The following LAMB1 variants were observed in gnomAD, a reference collection of about 807,000 sequenced individuals.
The protein encoded by LAMB1 is laminin subunit beta 1.
A neutral mutation model predicts 222.3 loss-of-function variants in LAMB1; 121 were observed. The ratio of observed to expected loss-of-function variants is 0.54; its 90% CI spans 0.47 to 0.63. The LOEUF (loss-of-function observed/expected upper bound fraction) is 0.63. Ranked by LOEUF, LAMB1 falls within the 30% of genes least tolerant of loss-of-function variation. LAMB1 has a pLI of 0.00. For synonymous variants in LAMB1, 794 were observed against 807.2 expected, an observed-to-expected ratio of 0.98 and a Z score of 0.28; for missense variants, 2,172 against 2,240.8, an observed-to-expected ratio of 0.97 and a Z score of 0.62.
In LAMB1 at chr7:107,931,474, A is replaced by C; in HGVS notation, c.4419T>G (p.Asp1473Glu). 1 of 1,613,576 alleles carries C rather than the reference A, an allele frequency of 6.2e-7. No homozygotes were observed. The highest frequency in any genetic ancestry group is 8.5e-7 in the Non-Finnish European group (1 of 1,179,862). ...KMVSEAKLRA[D>E]EAKQSAEDIL... Reference sequence around the variant, plus strand: ...TGTCTTCAGCACTTTGTTTTGCCTCATCTGCCCTCAGTTTTGCTTCAGAGA... The same window carrying C: ...TGTCTTCAGCACTTTGTTTTGCCTCCTCTGCCCTCAGTTTTGCTTCAGAGA... Residue 1473 changes from aspartate (D) to glutamate (E), a missense_variant, in exon 29 of 34, where the codon GAT becomes GAG. Asp to Glu is a conservative substitution (Grantham distance 45). Transcript: ENST00000222399.
rs1206583645 is a variant in LAMB1, at chr7:108,002,927, G to A, written c.-42C>T. On this transcript the variant is annotated 5_prime_UTR_variant, in exon 2 of 34. Coordinates refer to ENST00000222399, the MANE Select transcript of LAMB1 (RefSeq NM_002291.3). ...CACGGGGACGCGGCAGAGGAGTGGA[G>A]AAGACGCCCGCCGAGCCGCCTGCCC... 1.9e-6 allele frequency: 3 copies of A among 1,610,938 alleles called. No homozygotes were observed. The highest frequency in any genetic ancestry group is 2.5e-6 in the Non-Finnish European group (3 of 1,179,358).
At chr7:107,929,930 A>T (rs1041233317) in intron 29 of LAMB1, 1 of 378,118 alleles carries the variant, frequency 2.6e-6, no homozygotes, top group African/African-American at 2.1e-5. Context: ...AGAAGAAAGG[A>T]CAATTCCAGA....
chr7:107,939,115 A>T (rs1260840887), intron 25 of LAMB1, among the ~76,000 whole-genome samples: 1 of 152,062 alleles, frequency 6.6e-6, no homozygotes, highest in Non-Finnish European at 1.5e-5. Flanking sequence ...CAGTGAAAAA[A>T]CCATAGCATC....
Position 107,935,347 on chromosome 7 carries a change from GTTTTT to G in LAMB1, c.4188+63_4188+67del, listed in dbSNP as rs200599445. On this transcript the variant is annotated intron_variant, in intron 27 of 33. Transcript: ENST00000222399. ...GACAAAAGATGGTTTGTTTTTCTTTGTTTTTTTTTTTTTTTTTTTTTTTTTTGCTT... is the reference window on the plus strand; with the variant it reads ...GACAAAAGATGGTTTGTTTTTCTTTGTTTTTTTTTTTTTTTTTTTTTGCTT... 856 of 1,172,308 alleles carry G rather than the reference GTTTTT, an allele frequency of 7.3e-4. 4 individuals carry two copies. In the African/African-American group the frequency reaches 0.012, roughly 16 times the overall value. The allele number at this position is 1,172,308 out of a possible 1,614,324, so 72.6% of individuals were successfully genotyped here.
At chr7:108,003,001 G>A in intron 1 of LAMB1, 30 bp from the exon 2 acceptor site, 1 of 1,555,882 alleles carries the variant, frequency 6.4e-7, no homozygotes, top group Non-Finnish European at 8.6e-7. Context: ...GGGAAAAAAG[G>A]CAAATGTTCA....
intron 20 of LAMB1, among the ~76,000 whole-genome samples, chr7:107,956,578 G>T (rs2033381707): frequency 6.6e-6 from 1 of 152,202 alleles, no homozygotes; most frequent in African/African-American, 2.4e-5. Context: ...TGACCATTCA[G>T]TTCTGCTCCC....
chr7:107,923,971 C>T lies in LAMB1; in HGVS notation c.5341G>A (p.Val1781Met), dbSNP rs753456642. Residue 1781 changes from valine to methionine, a missense_variant, in exon 34 of 34, where the codon GTG (valine) becomes ATG (methionine). By Grantham distance (21) the Val-to-Met change is conservative. Transcript: ENST00000222399. ...LLKDISQKVA[V>M]YSTCL ...CTCTGTTACAAGCATGTGCTATACA[C>T]AGCAACTTTCTGGCTTATATCCTTT... 1.4e-5 allele frequency: 23 copies of T among 1,609,846 alleles called. No individual in the cohort carries two copies. Among genetic ancestry groups the T allele is most frequent in the African/African-American group, 2.7e-5 (2 of 74,624 alleles).
intron 8 of LAMB1, among the ~76,000 whole-genome samples, chr7:107,979,329 T>C (rs2033928544): frequency 6.6e-6 from 1 of 152,190 alleles, no homozygotes; most frequent in Non-Finnish European, 1.5e-5. Flanking sequence ...AAGGGCTGAA[T>C]ACACTCAATC....
At position 107,941,128 on chromosome 7, in the gene LAMB1, GCA is replaced by G. The variant is rs2032972081; in HGVS notation, c.3392-772_3392-771del. ...GCGTCTCACAGGCCCAATAGGGTTGGCACCTCATGCAAAGCCAAATGGCACAG... is the reference window on the plus strand; with the variant it reads ...GCGTCTCACAGGCCCAATAGGGTTGGCCTCATGCAAAGCCAAATGGCACAG... On this transcript the variant is annotated intron_variant, in intron 24 of 33. Coordinates refer to ENST00000222399, the MANE Select transcript of LAMB1 (RefSeq NM_002291.3). 2.0e-5 allele frequency among the ~76,000 whole-genome samples: 3 copies of G among 152,172 alleles called. No homozygotes were observed. In the South Asian group the frequency reaches 6.2e-4, roughly 32 times the overall value.
chr7:107,936,107 T>G (rs2032840660), intron 26 of LAMB1, among the ~76,000 whole-genome samples: 1 of 152,258 alleles, frequency 6.6e-6, no homozygotes, highest in African/African-American at 2.4e-5. Context: ...TGGTTGTATC[T>G]GTACTGAATG....
intron 4 of LAMB1, among the ~76,000 whole-genome samples, chr7:107,996,727 C>T (rs1281236800): frequency 6.6e-6 from 1 of 152,174 alleles, no homozygotes; most frequent in Non-Finnish European, 1.5e-5. Context: ...AGTTGATTAA[C>T]TCGACATAAC....
At chr7:108,002,156 A>C in intron 2 of LAMB1, 1 of 1,442,878 alleles carries the variant, frequency 6.9e-7, no homozygotes, top group African/African-American at 1.4e-5. Flanking sequence ...TGCACGCGGC[A>C]GCCCGCGCAT....
At chr7:107,929,008 C>T in intron 31 of LAMB1, 56 bp downstream of exon 31, 1 of 1,517,368 alleles carries the variant, frequency 6.6e-7, no homozygotes, top group African/African-American at 1.4e-5. Context: ...ATGTACTTTT[C>T]TGGTAAGTGT....
intron 15 of LAMB1, among the ~76,000 whole-genome samples, chr7:107,962,252 A>C (rs934530701): frequency 6.6e-6 from 1 of 152,002 alleles, no homozygotes; most frequent in Non-Finnish European, 1.5e-5. Context: ...CTGCTGTTAC[A>C]CCGTCACCTT....
intron 3 of LAMB1, among the ~76,000 whole-genome samples, chr7:107,999,343 C>T (rs1175277276): frequency 6.6e-6 from 1 of 152,208 alleles, no homozygotes; most frequent in East Asian, 1.9e-4. Flanking sequence ...CCACAAGGAG[C>T]TTTGCTCTGT....
chr7:108,000,873 T>A (rs559054206), intron 3 of LAMB1, among the ~76,000 whole-genome samples: 1 of 152,388 alleles, frequency 6.6e-6, no homozygotes, highest in South Asian at 2.1e-4. Context: ...GAAGGAAAAG[T>A]ATTCTGATTC....
chr7:107,993,405 A>T (rs1584540125), intron 5 of LAMB1, among the ~76,000 whole-genome samples: 1 of 152,266 alleles, frequency 6.6e-6, no homozygotes, highest in East Asian at 1.9e-4. Flanking sequence ...AAGTGCTGGG[A>T]TTACAGGTGT....
In LAMB1 at chr7:107,940,296, C is replaced by T. The variant is rs543600646; in HGVS notation, c.3454G>A (p.Val1152Ile). The T allele has an allele frequency of 6.2e-7, 1 of 1,614,238 alleles. No homozygotes were observed. Among genetic ancestry groups the T allele is most frequent in the African/African-American group, 1.3e-5 (1 of 75,068 alleles). Reference sequence around the variant, plus strand: ...GGACCCTCAACACCCTCAACGCAGACACACTGGCCCGTGGACTGGTCACAC... The same window carrying T: ...GGACCCTCAACACCCTCAACGCAGATACACTGGCCCGTGGACTGGTCACAC... ...PQCDQSTGQCVCVEGVEGPRC... is the reference protein window; with the variant it reads ...PQCDQSTGQCICVEGVEGPRC... The change falls in exon 25 of 34, where the codon GTC (valine) becomes ATC (isoleucine). Residue 1152 changes from valine to isoleucine, a missense_variant. Physicochemically the swap from Val to Ile is conservative, Grantham distance 29 (BLOSUM62 3). Transcript: ENST00000222399.
intron 24 of LAMB1, 185 bp downstream of exon 24, chr7:107,951,040 TA>T (rs931559095): frequency 1.8e-6 from 1 of 561,432 alleles, no homozygotes; most frequent in Admixed American, 3.2e-5. Context: ...TACCTATACT[TA>T]TGGGCAGGGC....
Sources: gnomAD v4.1 joint callset for allele counts (sites outside exome capture counted in the v4.1 genomes callset) on GRCh38, gnomAD v4.1.1 for gene constraint, MANE v1.5 for transcripts, NCBI Gene and HGNC (gene_info 2026-07-23, HGNC 2026-07-21) for gene names.